The following CNTN6 variants were observed in gnomAD, a reference collection of about 807,000 sequenced individuals.
CNTN6 encodes contactin-6.
In CNTN6, 137 loss-of-function variants were observed where a neutral mutation model predicts 122.8. That is an observed-to-expected ratio of 1.12 (90% confidence interval 0.97 to 1.29). CNTN6 has a LOEUF of 1.29. Among genes scored for constraint, CNTN6 ranks in the 50% most tolerant of loss-of-function variants. CNTN6 has a pLI of 0.00. For synonymous variants in CNTN6, 570 were observed against 426.0 expected, an observed-to-expected ratio of 1.34 and a Z score of -4.16; for missense variants, 1,634 against 1,223.4, an observed-to-expected ratio of 1.34 and a Z score of -5.01.
Position 1,402,268 on chromosome 3 carries a change from C to A in CNTN6, c.2818-50C>A, listed in dbSNP as rs115626482. ...CAGTGTTCCAGAACAGTTGTGTGAACCTTAGAAAAGCAACATGTCCATGTT... is the reference window on the plus strand; with the variant it reads ...CAGTGTTCCAGAACAGTTGTGTGAAACTTAGAAAAGCAACATGTCCATGTT... On this transcript the variant is annotated intron_variant, in intron 21 of 22. Transcript: ENST00000446702. 1.3e-3 allele frequency: 1,954 copies of A among 1,498,682 alleles called. 20 individuals are homozygous for A. In the African/African-American group the frequency reaches 0.024, roughly 19 times the overall value. The allele number at this position is 1,498,682 out of a possible 1,614,324, so 92.8% of individuals were successfully genotyped here. A position where few individuals can be genotyped will look rare whatever the true frequency, so the allele number is the denominator to read the frequency against.
intron 4 of CNTN6, among the ~76,000 whole-genome samples, chr3:1,245,221 T>TATATATATAAC (rs2094547997): frequency 5.3e-5 from 1 of 18,764 alleles, no homozygotes; most frequent in Non-Finnish European, 9.0e-5. Context: ...TATATATATA[T>TATATATATAAC]ATATATATAT....
chr3:1,134,086 C>T (rs2125110855), intron 1 of CNTN6, among the ~76,000 whole-genome samples: 1 of 152,062 alleles, frequency 6.6e-6, no homozygotes, highest in East Asian at 1.9e-4. Context: ...ATGGAAAGAC[C>T]ACTCACTGTG....
chr3:1,328,776 T>G (rs1701876952), intron 10 of CNTN6, among the ~76,000 whole-genome samples: 1 of 151,616 alleles, frequency 6.6e-6, no homozygotes, highest in African/African-American at 2.4e-5. Flanking sequence ...CGAAAGAACT[T>G]CAGTTCACTT....
chr3:1,095,812 T>C (rs2090497493), intron 1 of CNTN6, among the ~76,000 whole-genome samples: 1 of 152,214 alleles, frequency 6.6e-6, no homozygotes, highest in South Asian at 2.1e-4. Context: ...CTACATCAGT[T>C]TTACATTACT....
chr3:1,301,729 A>C (rs1303048947), intron 7 of CNTN6, among the ~76,000 whole-genome samples: 5 of 139,788 alleles, frequency 3.6e-5, no homozygotes, highest in Non-Finnish European at 7.4e-5. Context: ...TGCTCGGTCA[A>C]AGCGGTAGCG....
rs1220501488 is a variant in CNTN6 at position 1,401,540 on chromosome 3, T to C, written c.2812T>C (p.Tyr938His). Residue 938 changes from tyrosine to histidine, a missense_variant, in exon 21 of 23, where the codon TAC becomes CAC. Coordinates refer to ENST00000446702, the MANE Select transcript of CNTN6 (RefSeq NM_001289080.2). ...TMENESEVLG[Y>H]KILYRQNRQS... The stretch of plus-strand genomic sequence containing the variant: ...GGAAAATGAGTCTGAAGTTTTGGGG[T>C]ACAAGGTGAGTTTTTAGTTTTTCCT... 4.4e-6 allele frequency: 7 copies of C among 1,606,372 alleles called. No homozygotes were observed. The highest frequency in any genetic ancestry group is 6.0e-6 in the Non-Finnish European group (7 of 1,175,124).
chr3:1,329,590 A>G (rs1344711120), intron 10 of CNTN6, among the ~76,000 whole-genome samples, 195 bp from the exon 11 acceptor site: 2 of 151,794 alleles, frequency 1.3e-5, no homozygotes, highest in African/African-American at 2.4e-5. Flanking sequence ...ATCTTTTGTC[A>G]TCTTCATTTT....
chr3:1,130,740 A>G (rs1176345207), intron 1 of CNTN6, among the ~76,000 whole-genome samples: 1 of 152,132 alleles, frequency 6.6e-6, no homozygotes, highest in African/African-American at 2.4e-5. Flanking sequence ...ACAATGTTTG[A>G]TCAGTACATC....
intron 1 of CNTN6, among the ~76,000 whole-genome samples, chr3:1,146,231 T>C (rs2092720199): frequency 1.3e-5 from 2 of 152,104 alleles, no homozygotes; most frequent in Non-Finnish European, 2.9e-5. Context: ...TAACATGACC[T>C]AAATGTCTTG....
intron 4 of CNTN6, among the ~76,000 whole-genome samples, chr3:1,251,347 C>G (rs1341608604): frequency 6.6e-6 from 1 of 152,208 alleles, no homozygotes; most frequent in South Asian, 2.1e-4. Flanking sequence ...TCCAGCAATA[C>G]TTTGACTCTG....
At chr3:1,267,758 T>C (rs1354222291) in intron 4 of CNTN6, among the ~76,000 whole-genome samples, 1 of 152,174 alleles carries the variant, frequency 6.6e-6, no homozygotes, top group Non-Finnish European at 1.5e-5. Flanking sequence ...TTTTTTGGCG[T>C]CCTGGGAATA....
chr3:1,383,067 A>C lies in CNTN6; in HGVS notation c.2292A>C (p.Arg764Ser), dbSNP rs970851498. 1.9e-6 allele frequency: 3 copies of C among 1,613,928 alleles called. No individual in the cohort carries two copies. Among genetic ancestry groups the C allele is most frequent in the African/African-American group, 2.7e-5 (2 of 74,922 alleles). Residue 764 changes from arginine to serine, a missense_variant, in exon 18 of 23, where the codon AGA (arginine) becomes AGC (serine). By Grantham distance (110) the Arg-to-Ser change is moderately radical (BLOSUM62 -1). Transcript: ENST00000446702. ...SSVESSRFVY[R>S]NESIIPLSPF... ...TGGAATCATCAAGGTTTGTCTACAG[A>C]AATGAAAGCATCATCCCACTGTCTC...
chr3:1,359,788 G>T (rs1009791347), intron 12 of CNTN6, among the ~76,000 whole-genome samples: 2 of 152,020 alleles, frequency 1.3e-5, no homozygotes, highest in African/African-American at 4.8e-5. Flanking sequence ...GAGAAATGAA[G>T]ACCCCATCAC....
rs752257285 is a variant in CNTN6, at chr3:1,329,930, C to A, written c.1359C>A (p.Ser453Arg). ...WKRGTETLRQ[S>R]KRIFLLEDGS... ...GAGGAACGGAGACCCTTAGACAAAG[C>A]AAAAGGTAAACAAATCTTTATTTTT... is the stretch of plus-strand genomic sequence containing the variant. The change falls in exon 11 of 23, where the codon AGC becomes AGA. Residue 453 changes from serine to arginine, a missense_variant. Coordinates refer to ENST00000446702, the MANE Select transcript of CNTN6 (RefSeq NM_001289080.2). 4.5e-6 allele frequency: 7 copies of A among 1,548,474 alleles called. No individual in the cohort carries two copies. The highest frequency in any genetic ancestry group is 1.3e-5 in the South Asian group (1 of 78,410).
chr3:1,286,741 G>C (rs896233964), intron 5 of CNTN6, among the ~76,000 whole-genome samples: 1 of 152,048 alleles, frequency 6.6e-6, no homozygotes, highest in African/African-American at 2.4e-5. Context: ...TGGCAAATTG[G>C]ATAAAGAGTC....
chr3:1,312,936 G>T lies in CNTN6; in HGVS notation c.762-8714G>T, dbSNP rs569592815. 1.2e-3 allele frequency among the ~76,000 whole-genome samples: 183 copies of T among 151,748 alleles called. 1 individual carries two copies. The highest frequency in any genetic ancestry group is 4.2e-3 in the African/African-American group (174 of 41,350). On this transcript the variant is annotated intron_variant, in intron 7 of 22. Transcript: ENST00000446702. ...CGTATGTTTGATAGTGCTATAGCAT[G>T]ATTTAAAGAAAATACTTAGCATGGA...
chr3:1,165,530 T>C (rs1265455508), intron 2 of CNTN6, among the ~76,000 whole-genome samples: 1 of 152,060 alleles, frequency 6.6e-6, no homozygotes, highest in Non-Finnish European at 1.5e-5. Context: ...CTTTCTTCTA[T>C]AAAGACACTT....
intron 1 of CNTN6, among the ~76,000 whole-genome samples, chr3:1,138,614 G>T (rs2092540032): frequency 6.6e-6 from 1 of 151,512 alleles, no homozygotes; most frequent in African/African-American, 2.4e-5. Flanking sequence ...ATTAAAAAAG[G>T]GTTTTTTCCT....
intron 17 of CNTN6, among the ~76,000 whole-genome samples, chr3:1,381,434 C>T (rs940547308): frequency 6.6e-6 from 1 of 152,040 alleles, no homozygotes; most frequent in Non-Finnish European, 1.5e-5. Flanking sequence ...CAGGTCATCT[C>T]GGGTAATGGG....
Sources: gnomAD v4.1 joint callset for allele counts (sites outside exome capture counted in the v4.1 genomes callset) on GRCh38, gnomAD v4.1.1 for gene constraint, MANE v1.5 for transcripts, NCBI Gene and HGNC (gene_info 2026-07-23, HGNC 2026-07-21) for gene names.